The following FAM185A variants were observed in gnomAD, a reference collection of about 807,000 sequenced individuals.
FAM185A encodes the protein protein FAM185A.
Under a neutral mutation model 45.7 loss-of-function variants are expected in FAM185A, and 21 were observed. The observed-to-expected ratio is 0.46, with a 90% CI of 0.33 to 0.66. The LOEUF (loss-of-function observed/expected upper bound fraction) is 0.66. Among genes scored for constraint, FAM185A ranks in the 30% least tolerant of loss-of-function variants. The pLI, the probability that FAM185A is intolerant of heterozygous loss-of-function variation, is 0.03. For missense variants in FAM185A, 305 were observed against 485.4 expected, an observed-to-expected ratio of 0.63 and a Z score of 3.49; for synonymous variants, 117 against 194.0, an observed-to-expected ratio of 0.60 and a Z score of 3.30.
intron 4 of FAM185A, among the ~76,000 whole-genome samples, 193 bp from the exon 5 acceptor site, chr7:102,772,213 AAAG>A (rs1249574392): frequency 7.0e-6 from 1 of 142,754 alleles, no homozygotes; most frequent in Non-Finnish European, 1.5e-5. Flanking sequence ...GGTAGTAGAG[AAAG>A]AAGGTTTGCA....
chr7:102,803,003 A>G (rs1796884684), intron 7 of FAM185A, among the ~76,000 whole-genome samples: 1 of 152,106 alleles, frequency 6.6e-6, no homozygotes, highest in African/African-American at 2.4e-5. Flanking sequence ...GATACCCTGA[A>G]CAGATCAATA....
the FAM185A span, among the ~76,000 whole-genome samples, chr7:102,840,996 C>G: frequency 6.6e-6 from 1 of 151,952 alleles, no homozygotes; most frequent in African/African-American, 2.4e-5. Context: ...ATATAATGAA[C>G]AAAATTTAAC....
chr7:102,760,151 T>C (rs1794022575), intron 3 of FAM185A, among the ~76,000 whole-genome samples: 1 of 152,166 alleles, frequency 6.6e-6, no homozygotes, highest in South Asian at 2.1e-4. Flanking sequence ...CCTCTCAGTC[T>C]GGGCTATGAA....
chr7:102,817,065 A>G, the FAM185A span, among the ~76,000 whole-genome samples: 1 of 152,186 alleles, frequency 6.6e-6, no homozygotes, highest in Admixed American at 6.5e-5. Flanking sequence ...GCTGCAATAA[A>G]CATACAACTG....
chr7:102,786,352 A>T (rs1795795930), intron 6 of FAM185A, among the ~76,000 whole-genome samples: 1 of 152,224 alleles, frequency 6.6e-6, no homozygotes, highest in Non-Finnish European at 1.5e-5. Flanking sequence ...AAGGATTATA[A>T]ATCATGCTGC....
At chr7:102,839,894 G>A in the FAM185A span, among the ~76,000 whole-genome samples, 1 of 151,858 alleles carries the variant, frequency 6.6e-6, no homozygotes, top group African/African-American at 2.4e-5. Context: ...GACATTTCTA[G>A]AACTTTCAAT....
intron 6 of FAM185A, among the ~76,000 whole-genome samples, chr7:102,777,982 A>G (rs1319508965): frequency 6.6e-6 from 1 of 152,264 alleles, no homozygotes; most frequent in Non-Finnish European, 1.5e-5. Context: ...ATATGTGTTG[A>G]CAAGTGGCTT....
At chr7:102,783,691 G>T (rs1324707315) in intron 6 of FAM185A, among the ~76,000 whole-genome samples, 1 of 152,218 alleles carries the variant, frequency 6.6e-6, no homozygotes, top group South Asian at 2.1e-4. Flanking sequence ...GCAGTGTGTA[G>T]AGGGAAATTT....
At chr7:102,822,829 T>C in the FAM185A span, among the ~76,000 whole-genome samples, 1 of 152,188 alleles carries the variant, frequency 6.6e-6, no homozygotes, top group African/African-American at 2.4e-5. Flanking sequence ...TCCCAGCACT[T>C]TGGTAGGCTG....
chr7:102,814,968 C>G, the FAM185A span, among the ~76,000 whole-genome samples: 1 of 152,136 alleles, frequency 6.6e-6, no homozygotes, highest in African/African-American at 2.4e-5. Flanking sequence ...TCTCCCTTTT[C>G]AATTCTATAA....
downstream of FAM185A, among the ~76,000 whole-genome samples, chr7:102,814,003 C>A (rs1290762933): frequency 6.6e-6 from 1 of 151,980 alleles, no homozygotes; most frequent in East Asian, 1.9e-4. Flanking sequence ...AAAGTTCATG[C>A]AGTTTTGTCT....
intron 4 of FAM185A, among the ~76,000 whole-genome samples, chr7:102,769,453 T>C (rs1442594624): frequency 6.6e-6 from 1 of 152,226 alleles, no homozygotes; most frequent in Non-Finnish European, 1.5e-5. Context: ...AAATTGTAAA[T>C]TTTTACTGCA....
intron 7 of FAM185A, among the ~76,000 whole-genome samples, chr7:102,806,655 C>T (rs1797131360): frequency 6.6e-6 from 1 of 152,148 alleles, no homozygotes. Context: ...TTTCTTAAAT[C>T]CAGAAGTGCA....
rs970265509 is a variant in FAM185A at position 102,783,192 on chromosome 7, A to G, written c.932-4143A>G. Among the ~76,000 whole-genome samples, 69 of 151,494 alleles carry G rather than the reference A, an allele frequency of 4.6e-4. No homozygotes were observed. In the East Asian group the frequency reaches 6.0e-3, roughly 13 times the overall value. ...ACAAGGAGACTTAGACTCCCACACA[A>G]TAATAATGGGAGACTTTAACACCCT... On this transcript the variant is annotated intron_variant, in intron 6 of 7. Coordinates refer to ENST00000413034, the MANE Select transcript of FAM185A (RefSeq NM_001145268.2).
chr7:102,825,416 A>G, the FAM185A span, among the ~76,000 whole-genome samples: 1 of 152,198 alleles, frequency 6.6e-6, no homozygotes, highest in African/African-American at 2.4e-5. Context: ...GTTGCCTTGG[A>G]ATTCTGCAGA....
downstream of FAM185A, among the ~76,000 whole-genome samples, chr7:102,811,616 C>T (rs1005521248): frequency 1.3e-5 from 2 of 152,314 alleles, no homozygotes; most frequent in South Asian, 2.1e-4. Flanking sequence ...TGTTTCTTAC[C>T]GGGGTCTAAC....
At chr7:102,835,614 T>TTTC in the FAM185A span, among the ~76,000 whole-genome samples, 1 of 92,152 alleles carries the variant, frequency 1.1e-5, no homozygotes, top group Non-Finnish European at 2.4e-5. Flanking sequence ...TTTTTTTTTT[T>TTTC]TTTTTTTTTT....
At chr7:102,845,337 A>C in the FAM185A span, among the ~76,000 whole-genome samples, 4 of 152,316 alleles carry the variant, frequency 2.6e-5, no homozygotes, top group African/African-American at 4.8e-5. Context: ...AAATATTAGA[A>C]CAAAAGATAC....
the FAM185A span, among the ~76,000 whole-genome samples, chr7:102,825,216 T>G: frequency 6.6e-6 from 1 of 152,170 alleles, no homozygotes; most frequent in African/African-American, 2.4e-5. Context: ...AAACACATAT[T>G]GAAACTTAAC....
Sources: gnomAD v4.1 joint callset for allele counts (sites outside exome capture counted in the v4.1 genomes callset) on GRCh38, gnomAD v4.1.1 for gene constraint, MANE v1.5 for transcripts, NCBI Gene and HGNC (gene_info 2026-07-23, HGNC 2026-07-21) for gene names.